Variants in MAGI1 observed in about 807,000 individuals in gnomAD.
MAGI1 encodes the protein membrane-associated guanylate kinase, WW and PDZ domain-containing protein 1.
MAGI1 carries 58 observed loss-of-function variants against 139.9 expected under a neutral mutation model. The ratio of observed to expected loss-of-function variants is 0.41; its 90% confidence interval spans 0.34 to 0.52. MAGI1 has a LOEUF of 0.52. Among genes scored for constraint, MAGI1 ranks in the 20% least tolerant of loss-of-function variants. MAGI1 has a pLI of 0.12. For synonymous variants in MAGI1, 812 were observed against 737.9 expected (o/e 1.10, Z -1.63); for missense variants, 1,874 against 1,901.6 (o/e 0.99, Z 0.27).
intron 2 of MAGI1, among the ~76,000 whole-genome samples, chr3:65,590,291 T>C (rs62253373): frequency 0.37 from 55,537 of 152,116 alleles, 11,445 homozygotes; most frequent in East Asian, 0.62. Context: ...TAAAGCTATT[T>C]TGTACATCTT....
intron 1 of MAGI1, among the ~76,000 whole-genome samples, chr3:65,791,679 G>C (rs1324056176): frequency 6.6e-6 from 1 of 151,896 alleles, no homozygotes; most frequent in Non-Finnish European, 1.5e-5. Flanking sequence ...TTAATGAGGA[G>C]GTAAACGTTC....
In MAGI1 at chr3:66,038,875, G is replaced by A. The variant is rs1209656788; in HGVS notation, c.-567C>T. The stretch of plus-strand genomic sequence containing the variant: ...GTTTTGTTACAGTTCATTCTATTCC[G>A]CGCCGCGGAGCGCAGCGGCCGGCGA... On this transcript the variant is annotated 5_prime_UTR_variant, in exon 1 of 23. Coordinates refer to ENST00000402939, the MANE Select transcript of MAGI1 (RefSeq NM_001033057.2). 6.6e-6 allele frequency: 1 copy of A among 151,920 alleles called. No individual in the cohort carries two copies. The highest frequency in any genetic ancestry group is 1.5e-5 in the Non-Finnish European group (1 of 68,006). 9.4% of individuals were successfully genotyped at this position (151,920 alleles called of 1,614,324 possible).
intron 1 of MAGI1, among the ~76,000 whole-genome samples, chr3:65,864,886 G>A (rs1273941246): frequency 6.6e-6 from 1 of 152,184 alleles, no homozygotes; most frequent in Non-Finnish European, 1.5e-5. Flanking sequence ...GGCTGGCAGG[G>A]ATAAAGAAAG....
intron 1 of MAGI1, among the ~76,000 whole-genome samples, chr3:65,857,614 A>C (rs887490124): frequency 6.6e-6 from 1 of 152,216 alleles, no homozygotes; most frequent in African/African-American, 2.4e-5. Flanking sequence ...AAAGCTGGTC[A>C]GCAAAGCTGT....
intron 2 of MAGI1, among the ~76,000 whole-genome samples, chr3:65,583,984 A>T: frequency 6.7e-6 from 1 of 150,042 alleles, no homozygotes; most frequent in East Asian, 2.1e-4. Context: ...AGTGGTGTGA[A>T]GTTCATAGCA....
chr3:65,912,563 T>C (rs1309684607), intron 1 of MAGI1, among the ~76,000 whole-genome samples: 2 of 152,140 alleles, frequency 1.3e-5, no homozygotes, highest in Admixed American at 1.3e-4. Flanking sequence ...ACACGCAAAG[T>C]AGGATTAGTT....
intron 2 of MAGI1, among the ~76,000 whole-genome samples, chr3:65,608,920 A>C (rs2082891435): frequency 6.6e-6 from 1 of 152,206 alleles, no homozygotes; most frequent in African/African-American, 2.4e-5. Flanking sequence ...AAAAAAATCA[A>C]ACTACTGCTA....
At chr3:65,768,755 C>T (rs1293061583) in intron 1 of MAGI1, among the ~76,000 whole-genome samples, 3 of 152,138 alleles carry the variant, frequency 2.0e-5, no homozygotes, top group Non-Finnish European at 4.4e-5. Context: ...AACCTTCCTA[C>T]AATTTAATTT....
At chr3:65,785,995 G>A (rs995909753) in intron 1 of MAGI1, among the ~76,000 whole-genome samples, 1 of 151,034 alleles carries the variant, frequency 6.6e-6, no homozygotes, top group Non-Finnish European at 1.5e-5. Context: ...GGAGTGCAGT[G>A]GTGCAATCAG....
At chr3:66,025,734 G>A (rs1294481911) in intron 1 of MAGI1, among the ~76,000 whole-genome samples, 1 of 151,994 alleles carries the variant, frequency 6.6e-6, no homozygotes, top group East Asian at 1.9e-4. Context: ...GTGTACGTCT[G>A]GATAAAAATA....
In MAGI1 at chr3:65,750,477, A is replaced by C. The variant is rs146436280; in HGVS notation, c.314-128389T>G. Reference sequence around the variant, plus strand: ...GTTCACAAAGTTTACAAAATACCTAACAATATAGTTACTCTAAATAGTGAT... The same window carrying C: ...GTTCACAAAGTTTACAAAATACCTACCAATATAGTTACTCTAAATAGTGAT... On this transcript the variant is annotated intron_variant, in intron 1 of 22. Transcript: ENST00000402939. Among the ~76,000 whole-genome samples the C allele has an allele frequency of 4.0e-3, 613 of 152,338 alleles. 4 individuals carry two copies. The highest frequency in any genetic ancestry group is 0.013 in the African/African-American group (533 of 41,580).
intron 3 of MAGI1, among the ~76,000 whole-genome samples, chr3:65,479,330 G>C (rs12637472): frequency 0.31 from 47,027 of 151,960 alleles, 9,016 homozygotes; most frequent in East Asian, 0.73. Context: ...TTGACTCTCA[G>C]AGTCATGCGG....
intron 2 of MAGI1, among the ~76,000 whole-genome samples, chr3:65,540,618 T>C (rs954120061): frequency 9.8e-5 from 15 of 152,370 alleles, no homozygotes; most frequent in South Asian, 4.1e-4. Context: ...GGACTTCTTA[T>C]CTATTTATTC....
intron 1 of MAGI1, among the ~76,000 whole-genome samples, chr3:66,031,642 T>C (rs1194864530): frequency 6.6e-6 from 1 of 152,064 alleles, no homozygotes; most frequent in Non-Finnish European, 1.5e-5. Flanking sequence ...AAGAGTGGTC[T>C]TTTGGCACCA....
intron 1 of MAGI1, among the ~76,000 whole-genome samples, chr3:65,809,227 T>C (rs1302847388): frequency 1.3e-5 from 2 of 152,286 alleles, no homozygotes; most frequent in African/African-American, 4.8e-5. Flanking sequence ...ATAACTGGGA[T>C]AACTGCCCAC....
intron 1 of MAGI1, among the ~76,000 whole-genome samples, chr3:65,877,179 C>T (rs572981756): frequency 6.6e-6 from 1 of 152,134 alleles, no homozygotes; most frequent in African/African-American, 2.4e-5. Context: ...ACTTATGGGA[C>T]CTTTTCCCAT....
At chr3:65,511,247 T>A (rs1409782676) in intron 2 of MAGI1, among the ~76,000 whole-genome samples, 1 of 150,272 alleles carries the variant, frequency 6.7e-6, no homozygotes, top group Non-Finnish European at 1.5e-5. Context: ...CTGCATCAAC[T>A]AATGAGCAAA....
At chr3:65,680,994 A>G (rs576138699) in intron 1 of MAGI1, among the ~76,000 whole-genome samples, 1 of 152,312 alleles carries the variant, frequency 6.6e-6, no homozygotes, top group South Asian at 2.1e-4. Flanking sequence ...ATTTTAAGCC[A>G]TTCTGGCAAA....
intron 1 of MAGI1, among the ~76,000 whole-genome samples, chr3:65,943,560 G>A (rs938944341): frequency 3.3e-5 from 5 of 150,262 alleles, no homozygotes; most frequent in African/African-American, 7.4e-5. Context: ...GTGACAGTGC[G>A]AGACTCCATC....
Sources: gnomAD v4.1 joint callset for allele counts (sites outside exome capture counted in the v4.1 genomes callset) on GRCh38, gnomAD v4.1.1 for gene constraint, MANE v1.5 for transcripts, NCBI Gene and HGNC (gene_info 2026-07-23, HGNC 2026-07-21) for gene names.